Variants in C9orf72 observed in about 807,000 individuals in gnomAD.
C9orf72 encodes the protein C9orf72-SMCR8 complex subunit, also known as guanine nucleotide exchange factor C9orf72.
A neutral mutation model predicts 51.6 loss-of-function variants in C9orf72; 44 were observed. The observed-to-expected ratio is 0.85, with a 90% CI of 0.67 to 1.10. The LOEUF (loss-of-function observed/expected upper bound fraction) is 1.10, where lower values mean the gene tolerates loss of function less well. Among genes scored for constraint, C9orf72 ranks in the 50% least tolerant of loss-of-function variants. The pLI, the probability that C9orf72 is intolerant of heterozygous loss-of-function variation, is 0.00. For synonymous variants in C9orf72, 213 were observed against 194.2 expected, an observed-to-expected ratio of 1.10 and a Z score of -0.81; for missense variants, 607 against 570.6, an observed-to-expected ratio of 1.06 and a Z score of -0.65.
Position 27,566,898 on chromosome 9 carries a change from C to T in C9orf72, c.223G>A (p.Ala75Thr). The change falls in exon 2 of 11, where the codon GCA becomes ACA. Residue 75 changes from alanine to threonine, a missense_variant. By Grantham distance (58) the Ala-to-Thr change is moderately conservative. Transcript: ENST00000380003. ...TTTACATCTATAGCACCACTCTCTGCATTTCGAAGGATTTCTCCATTTAGA... is the reference window on the plus strand; with the variant it reads ...TTTACATCTATAGCACCACTCTCTGTATTTCGAAGGATTTCTCCATTTAGA... ...HTLNGEILRN[A>T]ESGAIDVKFF... is the part of the protein sequence containing the mutation. 1 of 1,613,920 alleles carries T rather than the reference C, an allele frequency of 6.2e-7. No individual in the cohort carries two copies. Among genetic ancestry groups the T allele is most frequent in the Non-Finnish European group, 8.5e-7 (1 of 1,179,850 alleles).
intron 1 of C9orf72, among the ~76,000 whole-genome samples, chr9:27,568,031 T>C (rs1245185649): frequency 7.7e-6 from 1 of 130,528 alleles, no homozygotes; most frequent in Non-Finnish European, 1.6e-5. Context: ...TTAAGTAATC[T>C]TAGAAAAGTA....
intron 8 of C9orf72, among the ~76,000 whole-genome samples, chr9:27,551,620 A>T (rs986979844): frequency 2.0e-5 from 3 of 152,232 alleles, no homozygotes; most frequent in African/African-American, 7.2e-5. Flanking sequence ...AAACGAGTGT[A>T]CCACACTACA....
At chr9:27,568,695 A>G (rs1025763528) in intron 1 of C9orf72, among the ~76,000 whole-genome samples, 9 of 152,228 alleles carry the variant, frequency 5.9e-5, no homozygotes, top group Non-Finnish European at 1.3e-4. Context: ...ATAAGGTCTT[A>G]GTACTATTTT....
intron 1 of C9orf72, among the ~76,000 whole-genome samples, chr9:27,572,796 G>A (rs1350533126): frequency 2.0e-5 from 3 of 152,156 alleles, no homozygotes; most frequent in Non-Finnish European, 4.4e-5. Flanking sequence ...AGTCACAATA[G>A]TCACTTCCTT....
intron 3 of C9orf72, among the ~76,000 whole-genome samples, chr9:27,563,758 C>A (rs1003736182): frequency 4.0e-5 from 6 of 151,896 alleles, no homozygotes; most frequent in East Asian, 1.9e-4. Context: ...TAAAAAAAAA[C>A]CATCCTTTAG....
At chr9:27,550,785 C>T (rs1820890759) in intron 8 of C9orf72, 78 bp from the exon 9 acceptor site, 1 of 677,170 alleles carries the variant, frequency 1.5e-6, no homozygotes, top group Admixed American at 2.9e-5. Context: ...TTCCACAATC[C>T]CTCACTTGAG....
chr9:27,553,390 G>A (rs1169622421), intron 8 of C9orf72, among the ~76,000 whole-genome samples: 1 of 151,958 alleles, frequency 6.6e-6, no homozygotes, highest in Non-Finnish European at 1.5e-5. Flanking sequence ...AGAATAGAGA[G>A]CCAAGAAATA....
At position 27,566,809 on chromosome 9, in the gene C9orf72, A is replaced by C. The variant is rs1280803382; in HGVS notation, c.312T>G (p.Asn104Lys). The change falls in exon 2 of 11, where the codon AAT becomes AAG. Residue 104 changes from asparagine to lysine, a missense_variant. By Grantham distance (94) the Asn-to-Lys change is moderately conservative. Coordinates refer to ENST00000380003, the MANE Select transcript of C9orf72 (RefSeq NM_018325.5). ...ATAGTCCATATGTGCTGCGATCCCCATTCCAGTTTCCATCAAAGATTAATG... is the reference window on the plus strand; with the variant it reads ...ATAGTCCATATGTGCTGCGATCCCCCTTCCAGTTTCCATCAAAGATTAATG... ...IVSLIFDGNWNGDRSTYGLSI... is the reference protein window; with the variant it reads ...IVSLIFDGNWKGDRSTYGLSI... 1 of 1,614,008 alleles carries C rather than the reference A, an allele frequency of 6.2e-7. No homozygotes were observed.
rs1000210811 is a variant in C9orf72, at chr9:27,560,811, A to G, written c.666-512T>C. 5 of 956,338 alleles carry G rather than the reference A, an allele frequency of 5.2e-6. No individual in the cohort carries two copies. In the Admixed American group the frequency reaches 1.9e-4, roughly 35 times the overall value. 59.2% of individuals were successfully genotyped at this position (956,338 alleles called of 1,614,324 possible). A position where few individuals can be genotyped will look rare whatever the true frequency, so the allele number is the denominator to read the frequency against. On this transcript the variant is annotated intron_variant, in intron 5 of 10. Coordinates refer to ENST00000380003, the MANE Select transcript of C9orf72 (RefSeq NM_018325.5). ...TTTATACTTTTACTTCTCTTTTATTAAAAGTAAAATTTCATGAAAATCTGT... is the reference window on the plus strand; with the variant it reads ...TTTATACTTTTACTTCTCTTTTATTGAAAGTAAAATTTCATGAAAATCTGT...
At chr9:27,554,518 A>G in intron 8 of C9orf72, 2 of 398,194 alleles carry the variant, frequency 5.0e-6, no homozygotes, top group Non-Finnish European at 8.9e-6. Flanking sequence ...TCAAAAAACT[A>G]CCTATTGGGT....
At chr9:27,558,699 C>G in intron 6 of C9orf72, 92 bp from the exon 7 acceptor site, 1 of 657,306 alleles carries the variant, frequency 1.5e-6, no homozygotes, top group South Asian at 1.9e-5. Flanking sequence ...TTGTTATTAT[C>G]AATAAAACAT....
intron 3 of C9orf72, among the ~76,000 whole-genome samples, chr9:27,562,868 G>A (rs755538646): frequency 3.8e-4 from 58 of 151,854 alleles, no homozygotes; most frequent in Middle Eastern, 3.4e-3. Flanking sequence ...ACGGGGTTTC[G>A]CCATGTTGGC....
chr9:27,554,578 T>C, intron 8 of C9orf72: 1 of 398,282 alleles, frequency 2.5e-6, no homozygotes, highest in Non-Finnish European at 4.4e-6. Flanking sequence ...CAAACCCTCA[T>C]GACACGCAAT....
chr9:27,554,686 GGAA>G (rs1486938739), intron 8 of C9orf72: 3 of 397,816 alleles, frequency 7.5e-6, no homozygotes, highest in African/African-American at 2.1e-5. Flanking sequence ...GGCAGTGACT[GGAA>G]TTATTTTAAA....
rs1318387629 is a variant in C9orf72, at chr9:27,547,133, G to A, written c.*1103C>T. On this transcript the variant is annotated 3_prime_UTR_variant, in exon 11 of 11. Transcript: ENST00000380003. ...CTTAGCTCTGCCAAAGTAGCACCTA[G>A]GAAAACAGCACTTCAGTAAAATTTC... 6.6e-6 allele frequency: 1 copy of A among 152,516 alleles called. No individual in the cohort carries two copies. Among genetic ancestry groups the A allele is most frequent in the Non-Finnish European group, 1.5e-5 (1 of 68,018 alleles). 9.4% of individuals were successfully genotyped at this position (152,516 alleles called of 1,614,324 possible). A position where few individuals can be genotyped will look rare whatever the true frequency, so the allele number is the denominator to read the frequency against.
At chr9:27,550,854 G>GAT (rs1443641633) in intron 8 of C9orf72, 147 bp from the exon 9 acceptor site, 2 of 497,502 alleles carry the variant, frequency 4.0e-6, no homozygotes, top group Non-Finnish European at 7.3e-6. Flanking sequence ...TAAGAATATA[G>GAT]ATATATATAT....
chr9:27,562,960 C>T (rs761471325), intron 3 of C9orf72, among the ~76,000 whole-genome samples: 5 of 151,984 alleles, frequency 3.3e-5, no homozygotes, highest in Non-Finnish European at 5.9e-5. Context: ...ATTGGTTTAT[C>T]GTTTACTGTT....
Position 27,567,073 on chromosome 9 carries a change from C to G in C9orf72, c.48G>C (p.Glu16Asp). Residue 16 changes from glutamate to aspartate, a missense_variant, in exon 2 of 11, where the codon GAG (glutamate) becomes GAC (aspartate). Coordinates refer to ENST00000380003, the MANE Select transcript of C9orf72 (RefSeq NM_018325.5). ...AAGGTGATTTGCCACTTAAAGCAAT[C>G]TCTGTCTTGGCAACAGCTGGAGATG... Reference protein sequence around the residue: ...PPPSPAVAKTEIALSGKSPLL... With the variant: ...PPPSPAVAKTDIALSGKSPLL... The G allele has an allele frequency of 1.2e-6, 2 of 1,613,990 alleles. No homozygotes were observed. Among genetic ancestry groups the G allele is most frequent in the Non-Finnish European group, 1.7e-6 (2 of 1,179,890 alleles).
intron 9 of C9orf72, among the ~76,000 whole-genome samples, chr9:27,549,723 T>C (rs1243872139): frequency 1.3e-5 from 2 of 151,598 alleles, no homozygotes; most frequent in Non-Finnish European, 1.5e-5. Flanking sequence ...AAGTACACTA[T>C]GTTTCAAAAA....
Sources: gnomAD v4.1 joint callset for allele counts (sites outside exome capture counted in the v4.1 genomes callset) on GRCh38, gnomAD v4.1.1 for gene constraint, MANE v1.5 for transcripts, NCBI Gene and HGNC (gene_info 2026-07-23, HGNC 2026-07-21) for gene names.